The following PGBD5 variants were observed in gnomAD, a reference collection of about 807,000 sequenced individuals.
PGBD5 encodes the protein piggyBac transposable element-derived protein 5.
In PGBD5, 14 loss-of-function variants were observed where a neutral mutation model predicts 47.9. The observed-to-expected ratio is 0.29, with a 90% CI of 0.19 to 0.46. PGBD5 has a LOEUF of 0.46. Ranked by LOEUF, PGBD5 falls within the 20% of genes least tolerant of loss-of-function variation. The probability of loss-of-function intolerance (pLI) is 1.00; values close to 1 mark genes in which losing one functional copy is unlikely to be tolerated. For synonymous variants in PGBD5, 316 were observed against 306.3 expected (o/e 1.03, Z -0.33); for missense variants, 635 against 716.0 (o/e 0.89, Z 1.29).
In PGBD5 at chr1:230,425,405, C is replaced by T. The variant is rs1014320475; in HGVS notation, c.331+193G>A. On this transcript the variant is annotated intron_variant, in intron 1 of 6. Coordinates refer to ENST00000391860, the MANE Select transcript of PGBD5 (RefSeq NM_001258311.2). The surrounding 1 kb of genome is among the most constrained non-coding windows in gnomAD (Gnocchi z 4.7). ...GTGCTGGCCACGGCCTCCGCCTTACCCTCTCCACCCACGGGTTCGGAGCCC... is the reference window on the plus strand; with the variant it reads ...GTGCTGGCCACGGCCTCCGCCTTACTCTCTCCACCCACGGGTTCGGAGCCC... Among the ~76,000 whole-genome samples, 2 of 152,180 alleles carry T rather than the reference C, an allele frequency of 1.3e-5. No homozygotes were observed. The highest frequency in any genetic ancestry group is 2.4e-5 in the African/African-American group (1 of 41,452).
chr1:230,415,948 T>C (rs981867563), intron 1 of PGBD5, among the ~76,000 whole-genome samples: 1 of 152,202 alleles, frequency 6.6e-6, no homozygotes, highest in Non-Finnish European at 1.5e-5. Context: ...ATTTTAAAAA[T>C]AGGGATAATG....
intron 1 of PGBD5, among the ~76,000 whole-genome samples, chr1:230,422,046 C>T: frequency 6.6e-6 from 1 of 152,084 alleles, no homozygotes; most frequent in East Asian, 1.9e-4. Flanking sequence ...GTCATACCTC[C>T]CCACTGAATG....
intron 1 of PGBD5, among the ~76,000 whole-genome samples, chr1:230,399,938 C>T (rs929169919): frequency 7.9e-5 from 12 of 152,346 alleles, no homozygotes; most frequent in South Asian, 2.1e-4. Flanking sequence ...CCAGATCCCA[C>T]GCTTGTCCTC....
In PGBD5 at chr1:230,316,094, A is replaced by T. The variant is rs1179521384; in HGVS notation, c.*7331T>A. ...CATACATGTTTATGTGTATACATACATATGTTTATGTGTACACATATATCT... is the reference window on the plus strand; with the variant it reads ...CATACATGTTTATGTGTATACATACTTATGTTTATGTGTACACATATATCT... On this transcript the variant is annotated 3_prime_UTR_variant, in exon 7 of 7. Coordinates refer to ENST00000391860, the MANE Select transcript of PGBD5 (RefSeq NM_001258311.2). 7.3e-6 allele frequency: 1 copy of T among 137,042 alleles called. No homozygotes were observed. The highest frequency in any genetic ancestry group is 1.7e-5 in the Non-Finnish European group (1 of 60,570). 8.5% of individuals were successfully genotyped at this position (137,042 alleles called of 1,614,324 possible). A position where few individuals can be genotyped will look rare whatever the true frequency, so the allele number is the denominator to read the frequency against.
chr1:230,356,792 A>C, intron 2 of PGBD5, 102 bp downstream of exon 2: 1 of 1,245,112 alleles, frequency 8.0e-7, no homozygotes, highest in South Asian at 1.5e-5. Context: ...CTCAGAGGGC[A>C]GGCAGGGCAG....
chr1:230,325,161 A>G, intron 6 of PGBD5, 149 bp downstream of exon 6: 1 of 642,890 alleles, frequency 1.6e-6, no homozygotes, highest in South Asian at 1.9e-5. Context: ...GAGGCCCAGA[A>G]GCCCAGGCTG....
At chr1:230,396,559 G>GCCCCCCC (rs61206058) in intron 1 of PGBD5, among the ~76,000 whole-genome samples, 227 of 117,550 alleles carry the variant, frequency 1.9e-3, no homozygotes, top group African/African-American at 3.3e-3. Flanking sequence ...ACATTTTGTT[G>GCCCCCCC]CCCCCCCTCC....
At chr1:230,337,446 C>A (rs947638393) in intron 3 of PGBD5, among the ~76,000 whole-genome samples, 158 bp from the exon 4 acceptor site, 2 of 152,122 alleles carry the variant, frequency 1.3e-5, no homozygotes, top group African/African-American at 4.8e-5. Flanking sequence ...CTCTAGGTCA[C>A]CCCCAAGCAC....
intron 1 of PGBD5, chr1:230,362,295 C>T: frequency 7.3e-7 from 1 of 1,367,724 alleles, no homozygotes; most frequent in Non-Finnish European, 9.8e-7. Flanking sequence ...CACTGAGTTT[C>T]CCCACGGGTG....
chr1:230,368,829 AGG>A (rs950929085), intron 1 of PGBD5, among the ~76,000 whole-genome samples: 2 of 152,208 alleles, frequency 1.3e-5, no homozygotes, highest in African/African-American at 4.8e-5. Flanking sequence ...ATGCAGAGGT[AGG>A]GTGTGCGCTG....
chr1:230,330,042 T>C (rs998848595), intron 5 of PGBD5, among the ~76,000 whole-genome samples: 3 of 152,198 alleles, frequency 2.0e-5, no homozygotes, highest in African/African-American at 7.2e-5. Flanking sequence ...AACAATGTGC[T>C]ATAGGCAGAA....
intron 1 of PGBD5, among the ~76,000 whole-genome samples, chr1:230,379,394 A>C (rs1668059546): frequency 6.6e-6 from 1 of 152,190 alleles, no homozygotes; most frequent in Admixed American, 6.5e-5. Flanking sequence ...AGGTCCCCTC[A>C]GGATCTCTTC....
intron 1 of PGBD5, among the ~76,000 whole-genome samples, chr1:230,424,695 C>A (rs1322964785): frequency 6.6e-6 from 1 of 152,258 alleles, no homozygotes; most frequent in African/African-American, 2.4e-5. Flanking sequence ...AAGAACACAG[C>A]ATGCAGGAGC....
intron 3 of PGBD5, among the ~76,000 whole-genome samples, chr1:230,340,345 T>C (rs1291667615): frequency 6.6e-6 from 1 of 152,144 alleles, no homozygotes; most frequent in Non-Finnish European, 1.5e-5. Flanking sequence ...GTAGGTATAA[T>C]GGAATGTGAT....
intron 3 of PGBD5, among the ~76,000 whole-genome samples, chr1:230,340,394 A>G (rs1451442758): frequency 1.3e-5 from 2 of 152,304 alleles, no homozygotes; most frequent in African/African-American, 4.8e-5. Flanking sequence ...AGTGTTTAAT[A>G]ACATAGAAAA....
chr1:230,389,687 C>T (rs1403464056), intron 1 of PGBD5, among the ~76,000 whole-genome samples: 1 of 152,064 alleles, frequency 6.6e-6, no homozygotes, highest in South Asian at 2.1e-4. Context: ...TGTTCAAGCC[C>T]GGAATAAGGT....
intron 1 of PGBD5, among the ~76,000 whole-genome samples, chr1:230,412,195 G>A (rs902971087): frequency 3.3e-5 from 5 of 152,118 alleles, no homozygotes; most frequent in Admixed American, 1.3e-4. Context: ...GCTTATCAAC[G>A]AAATTACAGT....
At chr1:230,376,610 C>T (rs909569016) in intron 1 of PGBD5, among the ~76,000 whole-genome samples, 1 of 152,176 alleles carries the variant, frequency 6.6e-6, no homozygotes, top group Non-Finnish European at 1.5e-5. Flanking sequence ...GTCACTGTCA[C>T]TGAATGGTCC....
rs150767927 is a variant in PGBD5, at chr1:230,349,263, C to T, written c.894+1695G>A. On this transcript the variant is annotated intron_variant, in intron 3 of 6. Coordinates refer to ENST00000391860, the MANE Select transcript of PGBD5 (RefSeq NM_001258311.2). ...GCTACACAGGGCCGGTATGGTGGCT[C>T]TTGACTGTAATCTCAGCATTTTGGG... Among the ~76,000 whole-genome samples the T allele has an allele frequency of 4.2e-3, 635 of 152,184 alleles. 3 individuals carry two copies. Among genetic ancestry groups the T allele is most frequent in the South Asian group, 7.3e-3 (35 of 4,814 alleles).
Sources: allele counts gnomAD v4.1 joint callset (sites outside exome capture counted in the v4.1 genomes callset), GRCh38; gene constraint gnomAD v4.1.1; non-coding constraint Gnocchi (gnomAD v3.1); transcripts MANE v1.5; gene names NCBI Gene and HGNC (gene_info 2026-07-23, HGNC 2026-07-21).